Variants in PRKCG observed in about 807,000 individuals in gnomAD.
PRKCG encodes the protein protein kinase C gamma type.
PRKCG carries 28 observed loss-of-function variants against 82.0 expected under a neutral mutation model. The ratio of observed to expected loss-of-function variants is 0.34; its 90% CI spans 0.25 to 0.47. PRKCG has a LOEUF of 0.47. Among genes scored for constraint, PRKCG ranks in the 20% least tolerant of loss-of-function variants. The pLI is 1.00. For synonymous variants in PRKCG, 383 were observed against 376.6 expected, an observed-to-expected ratio of 1.02 and a Z score of -0.20; for missense variants, 640 against 952.7, an observed-to-expected ratio of 0.67 and a Z score of 4.32.
In PRKCG at chr19:53,900,552, C is replaced by G. The variant is rs371268715; in HGVS notation, c.1437-59C>G. 2.4e-4 allele frequency: 395 copies of G among 1,614,078 alleles called. No individual in the cohort carries two copies. The highest frequency in any genetic ancestry group is 3.2e-4 in the Non-Finnish European group (381 of 1,180,046). Reference sequence around the variant, plus strand: ...AGGGAAGGGATTTGAATATGTGGCTCTAGACTGCTGAACTCAACACTTCTT... The same window carrying G: ...AGGGAAGGGATTTGAATATGTGGCTGTAGACTGCTGAACTCAACACTTCTT... On this transcript the variant is annotated intron_variant, in intron 13 of 17. Coordinates refer to ENST00000263431, the MANE Select transcript of PRKCG (RefSeq NM_002739.5). This position sits in a 1 kb window ranked among gnomAD's most constrained non-coding sequence, Gnocchi z 4.2.
At position 53,893,086 on chromosome 19, in the gene PRKCG, C is replaced by T; in HGVS notation, c.909+11C>T. 6.2e-7 allele frequency: 1 copy of T among 1,611,958 alleles called. No individual in the cohort carries two copies. The highest frequency in any genetic ancestry group is 8.5e-7 in the Non-Finnish European group (1 of 1,178,500). On this transcript the variant is annotated intron_variant, in intron 8 of 17. Coordinates refer to ENST00000263431, the MANE Select transcript of PRKCG (RefSeq NM_002739.5). Reference sequence around the variant, plus strand: ...CTCCAGAAGTTTGAGGTACCCAGACCCTGGCTTCCTCAAGGGAGCCCAGCC... The same window carrying T: ...CTCCAGAAGTTTGAGGTACCCAGACTCTGGCTTCCTCAAGGGAGCCCAGCC...
At position 53,889,427 on chromosome 19, in the gene PRKCG, T is replaced by TC; in HGVS notation, c.286-211_286-210insC. Among the ~76,000 whole-genome samples, 1 of 151,956 alleles carries TC rather than the reference T, an allele frequency of 6.6e-6. No homozygotes were observed. The highest frequency in any genetic ancestry group is 1.9e-4 in the East Asian group (1 of 5,200). On this transcript the variant is annotated intron_variant, in intron 3 of 17. Transcript: ENST00000263431. This position sits in a 1 kb window ranked among gnomAD's most constrained non-coding sequence, Gnocchi z 4.4. ...GTAAACTCCATGTGACAAAGAGGTT[T>TC]TTTTTTTTCATTTGTTTAATGCTGG...
At chr19:53,881,661 G>A (rs767913858), upstream of PRKCG, 2 of 152,296 alleles carry the variant, frequency 1.3e-5, no homozygotes, top group Non-Finnish European at 2.9e-5. Context: ...GCATTTCTCG[G>A]AGACAGGGAA....
intron 17 of PRKCG, 121 bp downstream of exon 17, chr19:53,906,578 G>A: frequency 6.4e-7 from 1 of 1,559,816 alleles, no homozygotes; most frequent in Non-Finnish European, 8.8e-7. Context: ...CCCAACAAAA[G>A]GAGGTGCAGA....
chr19:53,904,217 G>A, intron 15 of PRKCG, among the ~76,000 whole-genome samples: 1 of 151,850 alleles, frequency 6.6e-6, no homozygotes, highest in South Asian at 2.1e-4. Flanking sequence ...CCAATATGAT[G>A]AAACCCCATC....
Position 53,892,499 on chromosome 19 carries a change from C to T in PRKCG, c.687-10C>T. ...CGGCTCTGCACCCCATCCACCCCACCTTCCTGCAGCAACCTGAAGCCAGGG... is the reference window on the plus strand; with the variant it reads ...CGGCTCTGCACCCCATCCACCCCACTTTCCTGCAGCAACCTGAAGCCAGGG... On this transcript the variant is annotated splice_polypyrimidine_tract_variant and intron_variant, in intron 6 of 17. Transcript: ENST00000263431. The surrounding 1 kb of genome is among the most constrained non-coding windows in gnomAD (Gnocchi z 5.9). The T allele has an allele frequency of 1.9e-6, 3 of 1,609,812 alleles. No individual in the cohort carries two copies. The highest frequency in any genetic ancestry group is 2.5e-6 in the Non-Finnish European group (3 of 1,179,126).
intron 16 of PRKCG, among the ~76,000 whole-genome samples, chr19:53,906,111 T>TCTTCTTCTC (rs2068807604): frequency 2.1e-5 from 2 of 94,058 alleles, no homozygotes; most frequent in African/African-American, 1.9e-4. Context: ...TTCTTCTTCT[T>TCTTCTTCTC]CTTCTTCTTT....
In PRKCG at chr19:53,892,752, G is replaced by GCACACA. The variant is rs762529486; in HGVS notation, c.821+133_821+138dup. 234 of 1,097,828 alleles carry GCACACA rather than the reference G, an allele frequency of 2.1e-4. No homozygotes were observed. The highest frequency in any genetic ancestry group is 2.5e-4 in the South Asian group (17 of 67,152). The allele number at this position is 1,097,828 out of a possible 1,614,324, so 68.0% of individuals were successfully genotyped here. ...TCCTTCCCTCTGCCTCCCAGCATGC[G>GCACACA]CACACACACACACACACACACACAC... On this transcript the variant is annotated intron_variant, in intron 7 of 17. Coordinates refer to ENST00000263431, the MANE Select transcript of PRKCG (RefSeq NM_002739.5). This position sits in a 1 kb window ranked among gnomAD's most constrained non-coding sequence, Gnocchi z 5.9.
chr19:53,882,211 G>T lies in PRKCG; in HGVS notation c.-284G>T, dbSNP rs1441959659. ...CCGGGGCTCCCACATTTCAGCAGGT[G>T]CCGGAGCTGGAGCTCCCACCGCCGC... On this transcript the variant is annotated 5_prime_UTR_variant, in exon 1 of 18. Transcript: ENST00000263431. This position sits in a 1 kb window ranked among gnomAD's most constrained non-coding sequence, Gnocchi z 6.1. 2 of 475,118 alleles carry T rather than the reference G, an allele frequency of 4.2e-6. No homozygotes were observed. The highest frequency in any genetic ancestry group is 3.6e-4 in the Middle Eastern group (1 of 2,766). The allele number at this position is 475,118 out of a possible 1,614,324, so 29.4% of individuals were successfully genotyped here. A position where few individuals can be genotyped will look rare whatever the true frequency, so the allele number is the denominator to read the frequency against.
chr19:53,897,969 TGG>T lies in PRKCG; in HGVS notation c.952_953del (p.Gly318ProfsTer12). ...TTCTCCTTTCCACAGCGGGTGCGGA[TGG>T]GCCCCTCTTCCTCTCCCATCCCCTC... On this transcript the variant is annotated frameshift_variant, in exon 10 of 18. Transcript: ENST00000263431. LOFTEE classifies it high-confidence loss of function. 1 of 1,614,064 alleles carries T rather than the reference TGG, an allele frequency of 6.2e-7. No homozygotes were observed.
rs201061376 is a variant in PRKCG at position 53,900,334 on chromosome 19, G to C, written c.1373+10G>C. On this transcript the variant is annotated intron_variant, in intron 12 of 17. Coordinates refer to ENST00000263431, the MANE Select transcript of PRKCG (RefSeq NM_002739.5). The surrounding 1 kb of genome is among the most constrained non-coding windows in gnomAD (Gnocchi z 4.2). ...AGGAGCCCCATGCAGCGTGAGTCTC[G>C]GCCAACAGAGAATGGTCGGGGTGGT... 1.2e-6 allele frequency: 2 copies of C among 1,613,862 alleles called. No individual in the cohort carries two copies. The highest frequency in any genetic ancestry group is 2.7e-5 in the African/African-American group (2 of 74,848).
In PRKCG at chr19:53,892,416, G is replaced by C; in HGVS notation, c.687-93G>C. 4 of 1,537,088 alleles carry C rather than the reference G, an allele frequency of 2.6e-6. No homozygotes were observed. The highest frequency in any genetic ancestry group is 1.2e-5 in the South Asian group (1 of 84,710). ...CAAAGCAGGAGAGGAGCCCCAGCTG[G>C]CTGGGTTTGCCCCCACCTCCAGCAC... On this transcript the variant is annotated intron_variant, in intron 6 of 17. Transcript: ENST00000263431. This position sits in a 1 kb window ranked among gnomAD's most constrained non-coding sequence, Gnocchi z 5.9.
rs1387862455 is a variant in PRKCG at position 53,897,982 on chromosome 19, C to T, written c.963C>T (p.Ser321=). 6 of 1,614,026 alleles carry T rather than the reference C, an allele frequency of 3.7e-6. No individual in the cohort carries two copies. The highest frequency in any genetic ancestry group is 4.2e-6 in the Non-Finnish European group (5 of 1,180,042). The change falls in exon 10 of 18, where the codon TCC becomes TCT. Residue 321 remains serine (S), a synonymous_variant. Coordinates refer to ENST00000263431, the MANE Select transcript of PRKCG (RefSeq NM_002739.5). ...AGCGGGTGCGGATGGGCCCCTCTTC[C>T]TCTCCCATCCCCTCCCCTTCCCCTA... The part of the protein sequence containing the change: ...LYERVRMGPS[S]SPIPSPSPSP...
chr19:53,882,353 C>T lies in PRKCG; in HGVS notation c.-142C>T. The T allele has an allele frequency of 7.9e-7, 1 of 1,270,686 alleles. No homozygotes were observed. The allele number at this position is 1,270,686 out of a possible 1,614,324, so 78.7% of individuals were successfully genotyped here. On this transcript the variant is annotated 5_prime_UTR_variant, in exon 1 of 18. Coordinates refer to ENST00000263431, the MANE Select transcript of PRKCG (RefSeq NM_002739.5). This position sits in a 1 kb window ranked among gnomAD's most constrained non-coding sequence, Gnocchi z 6.1. ...CGCTCCCTGCCTGGCGCGCTCCGCA[C>T]CTGGAGGTGCCTTGCCCCTCTCCTG... is the stretch of plus-strand genomic sequence containing the variant.
Position 53,900,376 on chromosome 19 carries a change from C to T in PRKCG, c.1374-43C>T. ...CGGGGTGGTGGAAGGGGGCAGGATC[C>T]AGCCACTGACCTTCTGACGTCCCCA... On this transcript the variant is annotated intron_variant, in intron 12 of 17. Transcript: ENST00000263431. This position sits in a 1 kb window ranked among gnomAD's most constrained non-coding sequence, Gnocchi z 4.2. 1.2e-6 allele frequency: 2 copies of T among 1,614,016 alleles called. No individual in the cohort carries two copies. The highest frequency in any genetic ancestry group is 1.7e-6 in the Non-Finnish European group (2 of 1,179,896).
chr19:53,892,525 G>T lies in PRKCG; in HGVS notation c.703G>T (p.Asp235Tyr). The T allele has an allele frequency of 1.2e-6, 2 of 1,612,584 alleles. No homozygotes were observed. Among genetic ancestry groups the T allele is most frequent in the East Asian group, 2.2e-5 (1 of 44,846 alleles). ...TTCCTGCAGCAACCTGAAGCCAGGG[G>T]ATGTGGAGCGCCGGCTCAGCGTGGA... ...ETFVFNLKPG[D>Y]VERRLSVEVW... is the part of the protein sequence containing the mutation. The change falls in exon 7 of 18, where the codon GAT becomes TAT. Residue 235 changes from aspartate (D) to tyrosine (Y), a missense_variant. By Grantham distance (160) the Asp-to-Tyr change is radical. Around this residue, in one of 7 missense-constraint regions of PRKCG, gnomAD observed 261 missense variants for 312.1 expected, o/e 0.84. Coordinates refer to ENST00000263431, the MANE Select transcript of PRKCG (RefSeq NM_002739.5). The surrounding 1 kb of genome is among the most constrained non-coding windows in gnomAD (Gnocchi z 5.9).
At position 53,893,357 on chromosome 19, in the gene PRKCG, C is replaced by T. The variant is rs1202332212; in HGVS notation, c.910-5C>T. The T allele has an allele frequency of 1.9e-6, 3 of 1,613,394 alleles. No individual in the cohort carries two copies. Among genetic ancestry groups the T allele is most frequent in the Non-Finnish European group, 2.5e-6 (3 of 1,179,316 alleles). ...GACCCTGACTCTCTCTTTCTTTTCT[C>T]CCAGGCTTGTAACTACCCCCTGGAA... On this transcript the variant is annotated splice_polypyrimidine_tract_variant and splice_region_variant and intron_variant, in intron 8 of 17. Transcript: ENST00000263431.
chr19:53,906,040 T>TA (rs2068802806), intron 16 of PRKCG, among the ~76,000 whole-genome samples: 1 of 51,482 alleles, frequency 1.9e-5, no homozygotes, highest in African/African-American at 1.1e-4. Context: ...CTCCTCCTCC[T>TA]CCCTCCTCCT....
chr19:53,894,126 T>G (rs1271535562), intron 9 of PRKCG, among the ~76,000 whole-genome samples: 1 of 151,276 alleles, frequency 6.6e-6, no homozygotes, highest in Non-Finnish European at 1.5e-5. Context: ...AGTGCAGTGG[T>G]GCGATCTCGG....
Sources: allele counts gnomAD v4.1 joint callset (sites outside exome capture counted in the v4.1 genomes callset), GRCh38; gene constraint gnomAD v4.1.1; regional missense constraint gnomAD v4.1.1; non-coding constraint Gnocchi (gnomAD v3.1); transcripts MANE v1.5; gene names NCBI Gene and HGNC (gene_info 2026-07-23, HGNC 2026-07-21).